Variants in SH3BP5 observed in about 807,000 individuals in gnomAD.
The protein encoded by SH3BP5 is SH3 domain binding protein 5.
A neutral mutation model predicts 43.3 loss-of-function variants in SH3BP5; 22 were observed. The observed-to-expected ratio is 0.51, with a 90% CI of 0.36 to 0.73. The LOEUF (loss-of-function observed/expected upper bound fraction) is 0.73, where lower values mean the gene tolerates loss of function less well. SH3BP5 is among the 30% of genes least tolerant of loss of function. The probability of loss-of-function intolerance (pLI) is 0.00; values close to 1 mark genes in which losing one functional copy is unlikely to be tolerated. For synonymous variants in SH3BP5, 255 were observed against 225.8 expected (o/e 1.13, Z -1.16); for missense variants, 529 against 586.9 (o/e 0.90, Z 1.02).
intron 2 of SH3BP5, among the ~76,000 whole-genome samples, chr3:15,323,842 G>A (rs2125137901): frequency 6.6e-6 from 1 of 152,342 alleles, no homozygotes; most frequent in South Asian, 2.1e-4. Flanking sequence ...TTCAATGCCA[G>A]GCGGTCTGGC....
At chr3:15,302,412 C>T (rs935837546) in intron 3 of SH3BP5, among the ~76,000 whole-genome samples, 1 of 152,142 alleles carries the variant, frequency 6.6e-6, no homozygotes, top group Non-Finnish European at 1.5e-5. Context: ...AAGTATACAG[C>T]CCAATGCACC....
chr3:15,299,754 G>C (rs1277986438), intron 3 of SH3BP5, among the ~76,000 whole-genome samples: 1 of 151,972 alleles, frequency 6.6e-6, no homozygotes, highest in Non-Finnish European at 1.5e-5. Context: ...AGAAAATCAA[G>C]TGTGGGAGGT....
intron 3 of SH3BP5, among the ~76,000 whole-genome samples, chr3:15,301,133 C>T (rs575722434): frequency 1.3e-3 from 197 of 152,260 alleles, no homozygotes; most frequent in African/African-American, 4.5e-3. Flanking sequence ...GTGAAATCTG[C>T]TCCAGGATGT....
intron 3 of SH3BP5, among the ~76,000 whole-genome samples, chr3:15,287,210 C>T (rs1426996113): frequency 6.6e-6 from 1 of 152,218 alleles, no homozygotes; most frequent in Non-Finnish European, 1.5e-5. Flanking sequence ...GTCATATAAG[C>T]AAGCATTATG....
At chr3:15,276,993 C>T (rs1035288067) in intron 3 of SH3BP5, among the ~76,000 whole-genome samples, 4 of 152,008 alleles carry the variant, frequency 2.6e-5, no homozygotes, top group Admixed American at 2.0e-4. Context: ...TCTTGCCACC[C>T]AGGCTGGAGT....
chr3:15,331,608 C>G (rs1698611015), intron 1 of SH3BP5, among the ~76,000 whole-genome samples: 1 of 152,208 alleles, frequency 6.6e-6, no homozygotes, highest in South Asian at 2.1e-4. Flanking sequence ...GCCGCCTCCA[C>G]GCGTCAGCTT....
chr3:15,323,955 G>A (rs1178657774), intron 2 of SH3BP5, among the ~76,000 whole-genome samples: 1 of 152,142 alleles, frequency 6.6e-6, no homozygotes, highest in Non-Finnish European at 1.5e-5. Context: ...AAGCAGTATG[G>A]GGGGACCACT....
intron 3 of SH3BP5, chr3:15,271,497 G>C (rs1346879360): frequency 6.6e-6 from 1 of 152,146 alleles, no homozygotes; most frequent in East Asian, 1.9e-4. Context: ...GGCCAACATG[G>C]CGAAACCCTA....
intron 2 of SH3BP5, among the ~76,000 whole-genome samples, chr3:15,329,483 G>A (rs1698555861): frequency 6.6e-6 from 1 of 152,184 alleles, no homozygotes; most frequent in Non-Finnish European, 1.5e-5. Context: ...GGTGGTTAGC[G>A]ATAACCCTTC....
At chr3:15,291,640 A>G (rs1279605649) in intron 3 of SH3BP5, among the ~76,000 whole-genome samples, 1 of 152,200 alleles carries the variant, frequency 6.6e-6, no homozygotes, top group Non-Finnish European at 1.5e-5. Context: ...ACTTCTAAGC[A>G]TTTCCCACTT....
Position 15,262,374 on chromosome 3 carries a change from T to C in SH3BP5, c.496-85A>G, listed in dbSNP as rs1052963898. 1.0e-5 allele frequency: 15 copies of C among 1,478,844 alleles called. No homozygotes were observed. In the African/African-American group the frequency reaches 1.6e-4, roughly 15 times the overall value. The allele number at this position is 1,478,844 out of a possible 1,614,324, so 91.6% of individuals were successfully genotyped here. The stretch of plus-strand genomic sequence containing the variant: ...TACTTATATTATTTTTCAAAAAATA[T>C]TCTTTGCCCGGGCATGGTGACACAT... On this transcript the variant is annotated intron_variant, in intron 4 of 8. Transcript: ENST00000383791.
At chr3:15,269,667 G>A (rs552779648) in intron 4 of SH3BP5, 46 bp downstream of exon 4, 35 of 1,485,876 alleles carry the variant, frequency 2.4e-5, no homozygotes, top group South Asian at 5.4e-5. Context: ...AAGCCAGCGC[G>A]CATGCACGCG....
At chr3:15,290,523 C>T (rs1274044673) in intron 3 of SH3BP5, among the ~76,000 whole-genome samples, 1 of 124,236 alleles carries the variant, frequency 8.0e-6, no homozygotes, top group Non-Finnish European at 1.6e-5. Flanking sequence ...GAGACTCTGT[C>T]CCAAAAAAAA....
At chr3:15,329,162 A>C (rs535538234) in intron 2 of SH3BP5, among the ~76,000 whole-genome samples, 1 of 148,598 alleles carries the variant, frequency 6.7e-6, no homozygotes, top group African/African-American at 2.5e-5. Context: ...AAAAAAAAAA[A>C]TTTTAATTAA....
At chr3:15,277,124 T>C (rs1696994327) in intron 3 of SH3BP5, among the ~76,000 whole-genome samples, 1 of 152,112 alleles carries the variant, frequency 6.6e-6, no homozygotes, top group Admixed American at 6.5e-5. Context: ...CTAATTTTTG[T>C]ATTTTTAGTA....
intron 3 of SH3BP5, among the ~76,000 whole-genome samples, chr3:15,287,212 A>G (rs1358842663): frequency 6.6e-6 from 1 of 152,260 alleles, no homozygotes; most frequent in Non-Finnish European, 1.5e-5. Context: ...CATATAAGCA[A>G]GCATTATGTA....
intron 4 of SH3BP5, among the ~76,000 whole-genome samples, chr3:15,267,593 G>A (rs1039723352): frequency 6.6e-6 from 1 of 152,194 alleles, no homozygotes; most frequent in Non-Finnish European, 1.5e-5. Flanking sequence ...CCACAGAGAA[G>A]GCACATATCA....
At chr3:15,286,837 T>C (rs1697278285) in intron 3 of SH3BP5, among the ~76,000 whole-genome samples, 1 of 152,234 alleles carries the variant, frequency 6.6e-6, no homozygotes, top group South Asian at 2.1e-4. Context: ...TGAGCCACCA[T>C]GCCGGGCTGC....
At chr3:15,256,800 A>G (rs929677312) in intron 8 of SH3BP5, 53 bp downstream of exon 8, 9 of 1,550,958 alleles carry the variant, frequency 5.8e-6, no homozygotes, top group Non-Finnish European at 7.9e-6. Flanking sequence ...CACAACAGTC[A>G]GGCTACAGAG....
Sources: allele counts gnomAD v4.1 joint callset (sites outside exome capture counted in the v4.1 genomes callset), GRCh38; gene constraint gnomAD v4.1.1; transcripts MANE v1.5; gene names NCBI Gene and HGNC (gene_info 2026-07-23, HGNC 2026-07-21).